The following SLC35H1 variants were observed in gnomAD, a reference collection of about 807,000 sequenced individuals.
The protein encoded by SLC35H1 is ovarian cancer-overexpressed gene 1 protein.
the SLC35H1 span, among the ~76,000 whole-genome samples, chr20:46,362,895 G>A: frequency 6.6e-6 from 1 of 152,216 alleles, no homozygotes; most frequent in Non-Finnish European, 1.5e-5. Context: ...GGCTCCCGAG[G>A]AGCTGGGAAT....
chr20:46,359,425 G>A, the SLC35H1 span, among the ~76,000 whole-genome samples: 8 of 152,188 alleles, frequency 5.3e-5, no homozygotes, highest in South Asian at 2.1e-4. Flanking sequence ...CTGGCCTTAC[G>A]CACAGCTGGT....
the SLC35H1 span, among the ~76,000 whole-genome samples, chr20:46,360,281 G>C: frequency 6.6e-6 from 1 of 152,056 alleles, no homozygotes; most frequent in Non-Finnish European, 1.5e-5. Context: ...GGTCAAAATT[G>C]GTCTCAAAAT....
the SLC35H1 span, chr20:46,346,840 C>T: frequency 6.7e-6 from 1 of 148,564 alleles, no homozygotes; most frequent in African/African-American, 2.5e-5. Flanking sequence ...GAGCCAAGAT[C>T]GTGCCATTGC....
the SLC35H1 span, chr20:46,355,428 G>A: frequency 3.1e-5 from 21 of 682,108 alleles, no homozygotes; most frequent in South Asian, 1.2e-4. The surrounding 1 kb of genome is among the most constrained non-coding windows in gnomAD (Gnocchi z 4.8). Context: ...TAGGGCTGAC[G>A]GTCAGCTGGT....
chr20:46,349,260 C>T, the SLC35H1 span: 2 of 152,280 alleles, frequency 1.3e-5, no homozygotes, highest in Non-Finnish European at 1.5e-5. Flanking sequence ...CAGGAGTAGA[C>T]TCAGTCCACA....
At chr20:46,355,037 G>C in the SLC35H1 span, 1 of 1,613,852 alleles carries the variant, frequency 6.2e-7, no homozygotes, top group South Asian at 1.1e-5. The surrounding 1 kb of genome is among the most constrained non-coding windows in gnomAD (Gnocchi z 4.8). Flanking sequence ...CTGTGCCGGG[G>C]TTCCTCTCTC....
chr20:46,363,205 C>A, the SLC35H1 span: 1 of 152,218 alleles, frequency 6.6e-6, no homozygotes, highest in South Asian at 2.1e-4. Flanking sequence ...TTTGCTGGCA[C>A]CTTCTTGTCA....
At chr20:46,362,523 A>C in the SLC35H1 span, among the ~76,000 whole-genome samples, 1 of 152,134 alleles carries the variant, frequency 6.6e-6, no homozygotes, top group Non-Finnish European at 1.5e-5. Context: ...CTACTGTGTG[A>C]CCCTAAGTTA....
chr20:46,354,062 CAAAG>C, the SLC35H1 span, among the ~76,000 whole-genome samples: 1 of 152,014 alleles, frequency 6.6e-6, no homozygotes, highest in African/African-American at 2.4e-5. Context: ...CCCAAAACAT[CAAAG>C]AAAGGAAGGT....
At chr20:46,355,273 C>T in the SLC35H1 span, 17 of 1,589,220 alleles carry the variant, frequency 1.1e-5, no homozygotes, top group East Asian at 2.5e-4. This position sits in a 1 kb window ranked among gnomAD's most constrained non-coding sequence, Gnocchi z 4.8. Context: ...GCAGCTAACT[C>T]GGGGGTCTTG....
the SLC35H1 span, chr20:46,354,987 C>G: frequency 6.2e-7 from 1 of 1,613,870 alleles, no homozygotes; most frequent in Admixed American, 1.7e-5. Context: ...GGGACAGGCA[C>G]CATCAGGTCT....
the SLC35H1 span, among the ~76,000 whole-genome samples, chr20:46,353,448 C>G: frequency 6.6e-6 from 1 of 152,134 alleles, no homozygotes; most frequent in Admixed American, 6.5e-5. Flanking sequence ...GAAGGGGGGC[C>G]CAGAACTGGG....
chr20:46,352,521 GGGGATCCTAGCAGGATGAT>G, the SLC35H1 span: 23 of 334,408 alleles, frequency 6.9e-5, no homozygotes, highest in South Asian at 7.0e-4. Flanking sequence ...GCGGGATGAT[GGGGATCCTAGCAGGATGAT>G]GGGATCCTAG....
chr20:46,358,703 T>G, the SLC35H1 span: 1 of 1,550,712 alleles, frequency 6.4e-7, no homozygotes, highest in Non-Finnish European at 8.7e-7. Flanking sequence ...AAGGGGCTGG[T>G]GGCTGGTGCT....
At chr20:46,359,575 G>A in the SLC35H1 span, among the ~76,000 whole-genome samples, 1 of 152,166 alleles carries the variant, frequency 6.6e-6, no homozygotes, top group Non-Finnish European at 1.5e-5. Context: ...AGACCAGGCT[G>A]TAACCACTAC....
chr20:46,356,405 G>A, the SLC35H1 span, among the ~76,000 whole-genome samples: 2 of 152,192 alleles, frequency 1.3e-5, no homozygotes, highest in Non-Finnish European at 2.9e-5. Context: ...TACGGAAGAG[G>A]CTGGCGACTT....
chr20:46,353,546 C>T, the SLC35H1 span, among the ~76,000 whole-genome samples: 3 of 152,234 alleles, frequency 2.0e-5, no homozygotes, highest in Admixed American at 6.5e-5. Context: ...AGTGACAGTC[C>T]CCCCAGGCAA....
At chr20:46,355,832 G>A in the SLC35H1 span, 1 of 1,614,080 alleles carries the variant, frequency 6.2e-7, no homozygotes, top group Non-Finnish European at 8.5e-7. This position sits in a 1 kb window ranked among gnomAD's most constrained non-coding sequence, Gnocchi z 4.8. Flanking sequence ...TCAGAGAGAA[G>A]ATCAAGATGA....
the SLC35H1 span, chr20:46,348,331 G>C: frequency 3.9e-5 from 6 of 152,224 alleles, no homozygotes; most frequent in African/African-American, 1.4e-4. Flanking sequence ...GCTGGGAGGC[G>C]GGCAGTGGGG....
Sources: allele counts gnomAD v4.1 joint callset (sites outside exome capture counted in the v4.1 genomes callset), GRCh38; gene constraint gnomAD v4.1.1; non-coding constraint Gnocchi (gnomAD v3.1); transcripts MANE v1.5; gene names NCBI Gene and HGNC (gene_info 2026-07-23, HGNC 2026-07-21).